Variants in PLXNC1 observed in about 807,000 individuals in gnomAD.
PLXNC1 encodes plexin-C1.
A neutral mutation model predicts 178.2 loss-of-function variants in PLXNC1; 75 were observed. The observed-to-expected ratio is 0.42, with a 90% CI of 0.35 to 0.51. The LOEUF is 0.51. Ranked by LOEUF, PLXNC1 falls within the 20% of genes least tolerant of loss-of-function variation. The pLI is 0.02. For synonymous variants in PLXNC1, 790 were observed against 779.9 expected, an observed-to-expected ratio of 1.01 and a Z score of -0.22; for missense variants, 1,503 against 1,984.4, an observed-to-expected ratio of 0.76 and a Z score of 4.61.
intron 23 of PLXNC1, among the ~76,000 whole-genome samples, chr12:94,292,900 A>G (rs1252280217): frequency 2.0e-5 from 3 of 152,236 alleles, no homozygotes; most frequent in Admixed American, 2.0e-4. Flanking sequence ...CAAATAAATT[A>G]TAAGCGTACT....
chr12:94,293,819 C>T (rs1218007165), intron 23 of PLXNC1, among the ~76,000 whole-genome samples: 2 of 152,108 alleles, frequency 1.3e-5, no homozygotes, highest in Non-Finnish European at 2.9e-5. Context: ...AGGGATCTCC[C>T]TATGTTGCCC....
chr12:94,212,865 GCC>G, intron 5 of PLXNC1, among the ~76,000 whole-genome samples: 1 of 150,846 alleles, frequency 6.6e-6, no homozygotes, highest in South Asian at 2.1e-4. Flanking sequence ...GACTACAGGC[GCC>G]CACCACTACA....
chr12:94,165,923 G>T (rs1332329568), intron 1 of PLXNC1, among the ~76,000 whole-genome samples: 1 of 152,000 alleles, frequency 6.6e-6, no homozygotes, highest in Non-Finnish European at 1.5e-5. Context: ...TCCTCAAGAG[G>T]CTTCTGTTAT....
At position 94,280,188 on chromosome 12, in the gene PLXNC1, G is replaced by A. The variant is rs116696320; in HGVS notation, c.3775+539G>A. On this transcript the variant is annotated intron_variant, in intron 22 of 30. Coordinates refer to ENST00000258526, the MANE Select transcript of PLXNC1 (RefSeq NM_005761.3). Reference sequence around the variant, plus strand: ...CAGCATCTGCTATGAATTCATTTTCGGGCTCTACTGGTATACTGCAAAGGA... The same window carrying A: ...CAGCATCTGCTATGAATTCATTTTCAGGCTCTACTGGTATACTGCAAAGGA... 282 of 217,936 alleles carry A rather than the reference G, an allele frequency of 1.3e-3. 3 individuals are homozygous for A. Among genetic ancestry groups the A allele is most frequent in the African/African-American group, 6.3e-3 (270 of 43,074 alleles). 13.5% of individuals were successfully genotyped at this position (217,936 alleles called of 1,614,324 possible).
At chr12:94,206,432 A>G (rs763718297) in intron 4 of PLXNC1, among the ~76,000 whole-genome samples, 1 of 152,068 alleles carries the variant, frequency 6.6e-6, no homozygotes, top group Non-Finnish European at 1.5e-5. Flanking sequence ...AATTGTTTCT[A>G]CATACAGTGT....
At chr12:94,304,618 G>T (rs1968812851) in intron 30 of PLXNC1, among the ~76,000 whole-genome samples, 1 of 151,966 alleles carries the variant, frequency 6.6e-6, no homozygotes, top group Admixed American at 6.6e-5. Flanking sequence ...GCTGGGACAG[G>T]CTATCCATGT....
chr12:94,261,838 TTTAATGC>T (rs145676502), intron 20 of PLXNC1, among the ~76,000 whole-genome samples: 8,826 of 152,300 alleles, frequency 0.058, 322 homozygotes, highest in Middle Eastern at 0.092. Flanking sequence ...TAGTTTAATG[TTTAATGC>T]AATCTTACAA....
At chr12:94,265,031 C>T in intron 20 of PLXNC1, 48 bp from the exon 21 acceptor site, 2 of 1,594,156 alleles carry the variant, frequency 1.3e-6, no homozygotes, top group Non-Finnish European at 1.7e-6. Context: ...TTGGAAAGTA[C>T]AGTGGATTCC....
intron 9 of PLXNC1, among the ~76,000 whole-genome samples, chr12:94,236,348 A>G (rs974756645): frequency 2.0e-5 from 3 of 152,232 alleles, no homozygotes; most frequent in Non-Finnish European, 4.4e-5. Flanking sequence ...GGGGAGCAGA[A>G]TGAGAAAATG....
intron 1 of PLXNC1, among the ~76,000 whole-genome samples, chr12:94,163,337 G>T (rs1305564954): frequency 6.6e-6 from 1 of 152,056 alleles, no homozygotes; most frequent in African/African-American, 2.4e-5. Flanking sequence ...CAGCCTGGGC[G>T]ACACAGTGAG....
chr12:94,238,488 G>A (rs1253167600), intron 10 of PLXNC1, among the ~76,000 whole-genome samples: 9 of 146,452 alleles, frequency 6.1e-5, no homozygotes, highest in Non-Finnish European at 4.5e-5. Flanking sequence ...CTCCCCCTTC[G>A]AAAAAAAAAA....
chr12:94,201,868 G>A (rs1434250842), intron 4 of PLXNC1, among the ~76,000 whole-genome samples: 2 of 143,574 alleles, frequency 1.4e-5, no homozygotes, highest in African/African-American at 5.2e-5. Context: ...TCCAGTTCAA[G>A]CAATTCTCGT....
intron 3 of PLXNC1, chr12:94,186,129 C>G: frequency 5.0e-6 from 2 of 403,944 alleles, no homozygotes; most frequent in Non-Finnish European, 4.6e-6. Context: ...AGGCTCTGCC[C>G]CCAGACTTAG....
chr12:94,192,858 C>T (rs1962775340), intron 4 of PLXNC1, among the ~76,000 whole-genome samples: 3 of 152,030 alleles, frequency 2.0e-5, no homozygotes, highest in Non-Finnish European at 4.4e-5. Flanking sequence ...CATTCTAGTA[C>T]AGGATGGATT....
intron 6 of PLXNC1, among the ~76,000 whole-genome samples, chr12:94,220,612 A>T (rs1461042586): frequency 1.3e-5 from 2 of 152,182 alleles, no homozygotes; most frequent in Non-Finnish European, 2.9e-5. Context: ...GGTACTAGGG[A>T]TACAGTGACT....
intron 4 of PLXNC1, among the ~76,000 whole-genome samples, chr12:94,197,437 T>TCTCTCTCTCTCTCTCTCTCTCTC (rs1555198027): frequency 6.7e-6 from 1 of 148,542 alleles, no homozygotes; most frequent in African/African-American, 2.5e-5. Flanking sequence ...TTAGGCCCCT[T>TCTCTCTCTCTCTCTCTCTCTCTC]TCTCTCTCTC....
At chr12:94,279,807 A>G in intron 22 of PLXNC1, 158 bp downstream of exon 22, 1 of 735,608 alleles carries the variant, frequency 1.4e-6, no homozygotes, top group Non-Finnish European at 2.4e-6. Context: ...GGGCCAAGAG[A>G]CTGCTTTGGT....
chr12:94,297,461 A>G, intron 26 of PLXNC1, 38 bp downstream of exon 26: 1 of 1,349,476 alleles, frequency 7.4e-7, no homozygotes, highest in Non-Finnish European at 1.1e-6. Context: ...ATGGCTACCT[A>G]GGGGGTGTAT....
intron 1 of PLXNC1, among the ~76,000 whole-genome samples, chr12:94,153,250 C>T (rs1961025973): frequency 6.6e-6 from 1 of 152,208 alleles, no homozygotes; most frequent in Admixed American, 6.5e-5. Context: ...TCCCACCACC[C>T]CAGGGTTTCT....
Sources: gnomAD v4.1 joint callset for allele counts (sites outside exome capture counted in the v4.1 genomes callset) on GRCh38, gnomAD v4.1.1 for gene constraint, MANE v1.5 for transcripts, NCBI Gene and HGNC (gene_info 2026-07-23, HGNC 2026-07-21) for gene names.